The following ITGA9 variants were observed in gnomAD, a reference collection of about 807,000 sequenced individuals.
The protein encoded by ITGA9 is integrin alpha-9.
Under a neutral mutation model 127.8 loss-of-function variants are expected in ITGA9, and 56 were observed. The ratio of observed to expected loss-of-function variants is 0.44; its 90% CI spans 0.35 to 0.55. The LOEUF (loss-of-function observed/expected upper bound fraction) is 0.55, where lower values mean the gene tolerates loss of function less well. Ranked by LOEUF, ITGA9 falls within the 20% of genes least tolerant of loss-of-function variation. The pLI is 0.00. For missense variants in ITGA9, 1,196 were observed against 1,347.1 expected (o/e 0.89, Z 1.76); for synonymous variants, 508 against 514.5 (o/e 0.99, Z 0.17).
chr3:37,496,964 C>T (rs942764926), intron 5 of ITGA9, among the ~76,000 whole-genome samples: 9 of 152,214 alleles, frequency 5.9e-5, no homozygotes, highest in Admixed American at 1.3e-4. Context: ...AGTTGACACT[C>T]CCCTGCATTG....
At chr3:37,628,648 C>T (rs981752323) in intron 15 of ITGA9, among the ~76,000 whole-genome samples, 1 of 152,126 alleles carries the variant, frequency 6.6e-6, no homozygotes, top group Admixed American at 6.5e-5. Context: ...TCCCTTGGGG[C>T]TTGAGATTCT....
At chr3:37,709,778 A>G (rs1701058036) in intron 18 of ITGA9, among the ~76,000 whole-genome samples, 1 of 152,252 alleles carries the variant, frequency 6.6e-6, no homozygotes, top group Non-Finnish European at 1.5e-5. Flanking sequence ...GAAACAGCAC[A>G]TTCTTGTGAG....
chr3:37,701,899 C>G (rs1700950618), intron 18 of ITGA9, among the ~76,000 whole-genome samples: 1 of 152,152 alleles, frequency 6.6e-6, no homozygotes, highest in Non-Finnish European at 1.5e-5. Flanking sequence ...TACAGGCCTC[C>G]AACCACACAG....
intron 17 of ITGA9, among the ~76,000 whole-genome samples, chr3:37,673,995 A>T (rs1453502339): frequency 6.6e-6 from 1 of 152,242 alleles, no homozygotes; most frequent in Non-Finnish European, 1.5e-5. Context: ...TTTCTAGGAC[A>T]TGGCCTTAGC....
chr3:37,517,493 C>G lies in ITGA9; in HGVS notation c.1036-11C>G, dbSNP rs1444042810. Reference sequence around the variant, plus strand: ...TTTGTTTTCCATTTTCTCCTCCATCCTGTTTCCCAGGGAGCCCTCGAGGAG... The same window carrying G: ...TTTGTTTTCCATTTTCTCCTCCATCGTGTTTCCCAGGGAGCCCTCGAGGAG... On this transcript the variant is annotated splice_polypyrimidine_tract_variant and intron_variant, in intron 9 of 27. Transcript: ENST00000264741. 6.4e-7 allele frequency: 1 copy of G among 1,561,114 alleles called. No individual in the cohort carries two copies. The highest frequency in any genetic ancestry group is 8.7e-7 in the Non-Finnish European group (1 of 1,147,030).
rs79665369 is a variant in ITGA9 at position 37,517,054 on chromosome 3, C to T, written c.1036-450C>T. Among the ~76,000 whole-genome samples the T allele has an allele frequency of 3.0e-3, 457 of 152,288 alleles. 1 individual carries two copies. The highest frequency in any genetic ancestry group is 0.01 in the African/African-American group (426 of 41,548). On this transcript the variant is annotated intron_variant, in intron 9 of 27. Transcript: ENST00000264741. ...CCTCTATCAAGATAACTCATATATG[C>T]ACTTTGCAAAACAGTTTTATAAACT...
At position 37,454,694 on chromosome 3, in the gene ITGA9, C is replaced by T. The variant is rs143761446; in HGVS notation, c.185+2135C>T. 4.3e-3 allele frequency among the ~76,000 whole-genome samples: 652 copies of T among 152,330 alleles called. 6 individuals carry two copies. The highest frequency in any genetic ancestry group is 0.015 in the African/African-American group (613 of 41,578). ...TTAAAATAATGCTTCTTTTTCCTCC[C>T]TCACCCACCATATTGACTTAATTTT... On this transcript the variant is annotated intron_variant, in intron 1 of 27. Transcript: ENST00000264741.
At chr3:37,542,315 A>G in intron 14 of ITGA9, 110 bp from the exon 15 acceptor site, 1 of 1,152,418 alleles carries the variant, frequency 8.7e-7, no homozygotes. Context: ...CTGCCATGGA[A>G]GGGTAGGTAT....
intron 15 of ITGA9, among the ~76,000 whole-genome samples, chr3:37,624,867 A>T (rs1397327058): frequency 1.3e-5 from 2 of 152,124 alleles, no homozygotes; most frequent in Non-Finnish European, 2.9e-5. Flanking sequence ...TCAGCCTCTT[A>T]AGGTGCTGGG....
intron 18 of ITGA9, among the ~76,000 whole-genome samples, chr3:37,706,079 G>T (rs1021646887): frequency 2.0e-5 from 3 of 152,148 alleles, no homozygotes; most frequent in Admixed American, 6.5e-5. Flanking sequence ...TGTGCCATTT[G>T]GGGGGAAATG....
intron 15 of ITGA9, among the ~76,000 whole-genome samples, chr3:37,600,181 G>A (rs767430495): frequency 5.9e-5 from 9 of 152,070 alleles, no homozygotes; most frequent in Non-Finnish European, 1.2e-4. Context: ...AAATTACTTA[G>A]TCAATAAAAA....
At chr3:37,722,222 C>A (rs1373214817) in intron 18 of ITGA9, among the ~76,000 whole-genome samples, 3 of 152,194 alleles carry the variant, frequency 2.0e-5, no homozygotes, top group African/African-American at 7.2e-5. Context: ...CTCAAAAGGG[C>A]CTTCCCTCCA....
intron 19 of ITGA9, 124 bp from the exon 20 acceptor site, chr3:37,736,780 A>G (rs1005144647): frequency 1.4e-5 from 10 of 735,260 alleles, no homozygotes; most frequent in Non-Finnish European, 2.5e-5. Context: ...TCAGAAAGCT[A>G]TACATAAAAC....
chr3:37,734,082 C>T (rs951209549), intron 19 of ITGA9, among the ~76,000 whole-genome samples: 3 of 152,214 alleles, frequency 2.0e-5, no homozygotes, highest in East Asian at 1.9e-4. Flanking sequence ...GTGATCTTGG[C>T]GAAACCACAG....
intron 18 of ITGA9, 41 bp from the exon 19 acceptor site, chr3:37,732,670 CT>C (rs1477097620): frequency 6.6e-7 from 1 of 1,506,220 alleles, no homozygotes; most frequent in African/African-American, 1.4e-5. Flanking sequence ...ACACACCTGC[CT>C]TTTGTGCAGC....
In ITGA9 at chr3:37,557,139, G is replaced by A. The variant is rs541089126; in HGVS notation, c.1689+14554G>A. The stretch of plus-strand genomic sequence containing the variant: ...AGACCAGGAAGCTCTTGAGGTACAA[G>A]CTCTTATTAAGCAGAAAATTTTAAA... On this transcript the variant is annotated intron_variant, in intron 15 of 27. Coordinates refer to ENST00000264741, the MANE Select transcript of ITGA9 (RefSeq NM_002207.3). Among the ~76,000 whole-genome samples, 25 of 152,298 alleles carry A rather than the reference G, an allele frequency of 1.6e-4. 1 individual carries two copies. Among genetic ancestry groups the A allele is most frequent in the African/African-American group, 6.0e-4 (25 of 41,574 alleles).
rs149183058 is a variant in ITGA9, at chr3:37,730,201, A to C, written c.2068-2511A>C. Among the ~76,000 whole-genome samples the C allele has an allele frequency of 7.7e-4, 117 of 152,252 alleles. 1 individual carries two copies. In the East Asian group the frequency reaches 0.015, roughly 20 times the overall value. ...TATATATATTTGCTTATCCTGGGAC[A>C]CTCTTGAGACTAATTATACCAGAAT... On this transcript the variant is annotated intron_variant, in intron 18 of 27. Transcript: ENST00000264741.
intron 12 of ITGA9, among the ~76,000 whole-genome samples, chr3:37,525,035 A>G (rs901229625): frequency 2.6e-5 from 4 of 152,216 alleles, no homozygotes; most frequent in Non-Finnish European, 4.4e-5. Flanking sequence ...CATCATATAG[A>G]TGCTCAGTGC....
chr3:37,589,411 T>A (rs1269396100), intron 15 of ITGA9, among the ~76,000 whole-genome samples: 1 of 152,152 alleles, frequency 6.6e-6, no homozygotes, highest in Non-Finnish European at 1.5e-5. Context: ...GGAGCTAACA[T>A]CCTAGCAGGT....
Sources: allele counts gnomAD v4.1 joint callset (sites outside exome capture counted in the v4.1 genomes callset), GRCh38; gene constraint gnomAD v4.1.1; transcripts MANE v1.5; gene names NCBI Gene and HGNC (gene_info 2026-07-23, HGNC 2026-07-21).